The following MYO1H variants were observed in gnomAD, a reference collection of about 807,000 sequenced individuals.
MYO1H encodes myosin IH.
MYO1H carries 118 observed loss-of-function variants against 149.3 expected under a neutral mutation model. That is an observed-to-expected ratio of 0.79 (90% confidence interval 0.68 to 0.92). The LOEUF (loss-of-function observed/expected upper bound fraction) is 0.92, where lower values mean the gene tolerates loss of function less well. MYO1H is among the 40% of genes least tolerant of loss of function. The pLI, the probability that MYO1H is intolerant of heterozygous loss-of-function variation, is 0.00. For synonymous variants in MYO1H, 447 were observed against 465.2 expected (o/e 0.96, Z 0.50); for missense variants, 1,212 against 1,280.7 (o/e 0.95, Z 0.82).
chr12:109,379,870 C>T (rs990659134), intron 1 of MYO1H, among the ~76,000 whole-genome samples: 2 of 150,468 alleles, frequency 1.3e-5, no homozygotes, highest in African/African-American at 2.4e-5. Context: ...GTAGCTGAGA[C>T]TACAGGCACT....
chr12:109,431,214 C>T (rs1479453455), intron 19 of MYO1H, among the ~76,000 whole-genome samples: 1 of 151,756 alleles, frequency 6.6e-6, no homozygotes, highest in Non-Finnish European at 1.5e-5. Context: ...TCCGTCTCTA[C>T]TAAAAAATAC....
At chr12:109,418,225 T>C (rs1328050863) in intron 15 of MYO1H, among the ~76,000 whole-genome samples, 1 of 152,072 alleles carries the variant, frequency 6.6e-6, no homozygotes, top group African/African-American at 2.4e-5. Flanking sequence ...GTTCTATGAG[T>C]TGTCTTTTCA....
At chr12:109,420,998 A>C in exon 16 of MYO1H, 1 of 1,588,054 alleles carries the variant, frequency 6.3e-7, no homozygotes, top group Non-Finnish European at 8.6e-7. Flanking sequence ...GGAAAAAAAC[A>C]ATGATCTTCT....
At chr12:109,428,844 G>GT (rs1389447218) in intron 19 of MYO1H, among the ~76,000 whole-genome samples, 1 of 152,046 alleles carries the variant, frequency 6.6e-6, no homozygotes, top group Non-Finnish European at 1.5e-5. Context: ...ATCTACCTGT[G>GT]TTTTTTTGAA....
chr12:109,335,294 A>G, the MYO1H span, among the ~76,000 whole-genome samples: 8 of 152,168 alleles, frequency 5.3e-5, no homozygotes, highest in African/African-American at 1.4e-4. Flanking sequence ...AGTGCTTCAC[A>G]TGGCCAGAGC....
At position 109,409,413 on chromosome 12, in the gene MYO1H, C is replaced by T. The variant is rs1377160981; in HGVS notation, c.1156-144C>T. 68 of 755,330 alleles carry T rather than the reference C, an allele frequency of 9.0e-5. 1 individual carries two copies. The highest frequency in any genetic ancestry group is 2.1e-5 in the Admixed American group (1 of 46,682). 46.8% of individuals were successfully genotyped at this position (755,330 alleles called of 1,614,324 possible). The stretch of plus-strand genomic sequence containing the variant: ...CAGGAGCAGCAGGCTGGGGAAATTA[C>T]TTCCACCCAAAGATTTTCCGCATTG... On this transcript the variant is annotated intron_variant, in intron 10 of 31. Transcript: ENST00000310903.
chr12:109,442,795 C>CTGCCTTTTTTTTTTTTTTTTT (rs1165995755), intron 27 of MYO1H, among the ~76,000 whole-genome samples: 2 of 94,038 alleles, frequency 2.1e-5, no homozygotes, highest in Non-Finnish European at 2.2e-5. Flanking sequence ...AGTGTCTGCT[C>CTGCCTTTTTTTTTTTTTTTTT]TTTTTTTTTT....
chr12:109,383,958 A>T (rs1286846027), intron 1 of MYO1H, among the ~76,000 whole-genome samples: 2 of 152,250 alleles, frequency 1.3e-5, no homozygotes, highest in African/African-American at 4.8e-5. Context: ...CCCTGCTTTT[A>T]GATGAGCAAC....
At chr12:109,445,364 TTTCC>T (rs145715268) in intron 30 of MYO1H, 145 bp from the exon 31 acceptor site, 144,098 of 642,390 alleles carry the variant, frequency 0.22, 17,583 homozygotes, top group East Asian at 0.32. Context: ...GCATTCTTCC[TTTCC>T]TCAAATATGC....
At chr12:109,430,059 C>G (rs1278571928) in intron 19 of MYO1H, among the ~76,000 whole-genome samples, 4 of 152,212 alleles carry the variant, frequency 2.6e-5, no homozygotes, top group Non-Finnish European at 5.9e-5. Flanking sequence ...TGTCAGAGGC[C>G]CTGCCTCCTA....
chr12:109,434,974 C>G, intron 20 of MYO1H, 63 bp from the exon 21 acceptor site: 1 of 985,862 alleles, frequency 1.0e-6, no homozygotes, highest in Non-Finnish European at 1.5e-6. Flanking sequence ...AAGGGGGCAC[C>G]GTTCAACCCA....
chr12:109,404,176 C>A, intron 7 of MYO1H, 96 bp downstream of exon 7: 2 of 898,638 alleles, frequency 2.2e-6, no homozygotes, highest in Non-Finnish European at 3.5e-6. Flanking sequence ...CCAAATTCAA[C>A]AAATAAAAAT....
At chr12:109,356,397 T>G (rs202118273) in intron 1 of MYO1H, among the ~76,000 whole-genome samples, 2 of 138,950 alleles carry the variant, frequency 1.4e-5, no homozygotes, top group Non-Finnish European at 3.1e-5. Context: ...TTGTTTTTTT[T>G]TTGTTTTTTT....
chr12:109,438,681 G>C, intron 23 of MYO1H, 61 bp downstream of exon 23: 1 of 1,251,338 alleles, frequency 8.0e-7, no homozygotes, highest in Non-Finnish European at 1.1e-6. Flanking sequence ...TGCAGGGATG[G>C]TCATGGAGGT....
chr12:109,419,893 T>C (rs1871100575), intron 15 of MYO1H, among the ~76,000 whole-genome samples: 1 of 151,682 alleles, frequency 6.6e-6, no homozygotes. Context: ...AAAAAAAATC[T>C]GGTTTTGCCT....
intron 1 of MYO1H, among the ~76,000 whole-genome samples, chr12:109,353,161 C>T (rs750674214): frequency 6.6e-6 from 1 of 151,796 alleles, no homozygotes; most frequent in African/African-American, 2.4e-5. Flanking sequence ...TTTGGGAGGC[C>T]GAAGTGGATG....
chr12:109,392,779 G>T (rs971698272), intron 2 of MYO1H, among the ~76,000 whole-genome samples: 3 of 151,434 alleles, frequency 2.0e-5, no homozygotes, highest in African/African-American at 7.3e-5. Flanking sequence ...TTGTACCCTC[G>T]TTATGCTATG....
At chr12:109,443,625 A>C (rs553581870) in exon 28 of MYO1H, 3 of 1,613,390 alleles carry the variant, frequency 1.9e-6, no homozygotes, top group Middle Eastern at 1.6e-4. Context: ...AATCAAGCAG[A>C]AAATAGAGTA....
intron 19 of MYO1H, among the ~76,000 whole-genome samples, chr12:109,431,822 A>G (rs1468178552): frequency 1.3e-5 from 2 of 151,900 alleles, no homozygotes; most frequent in African/African-American, 4.8e-5. Context: ...CTTCCCAAGC[A>G]TGGAACCCTT....
Sources: gnomAD v4.1 joint callset for allele counts (sites outside exome capture counted in the v4.1 genomes callset) on GRCh38, gnomAD v4.1.1 for gene constraint, MANE v1.5 for transcripts, NCBI Gene and HGNC (gene_info 2026-07-23, HGNC 2026-07-21) for gene names.